Variants in RGMB observed in about 807,000 individuals in gnomAD.
The protein encoded by RGMB is repulsive guidance molecule BMP co-receptor b, also known as repulsive guidance molecule B.
RGMB carries 16 observed loss-of-function variants against 26.9 expected under a neutral mutation model. The ratio of observed to expected loss-of-function variants is 0.60; its 90% CI spans 0.40 to 0.90. The LOEUF (loss-of-function observed/expected upper bound fraction) is 0.90, where lower values mean the gene tolerates loss of function less well. RGMB is among the 40% of genes least tolerant of loss of function. The probability of loss-of-function intolerance (pLI) is 0.00; values close to 1 mark genes in which losing one functional copy is unlikely to be tolerated. For missense variants in RGMB, 512 were observed against 573.3 expected (o/e 0.89, Z 1.09); for synonymous variants, 225 against 229.3 (o/e 0.98, Z 0.17).
intron 1 of RGMB, among the ~76,000 whole-genome samples, chr5:98,775,028 C>G (rs1267005212): frequency 1.3e-5 from 2 of 152,086 alleles, no homozygotes; most frequent in Non-Finnish European, 2.9e-5. Flanking sequence ...TAGGAATTTG[C>G]CTAGACAAAG....
chr5:98,796,342 C>G lies in RGMB; in HGVS notation c.*2589C>G, dbSNP rs1039705839. ...CTTTGTTATGCTTGGAAGCTCCCCC[C>G]CCCCCAACAGTGTGTCGAGTCTTTG... On this transcript the variant is annotated 3_prime_UTR_variant, in exon 3 of 3. Transcript: ENST00000513185. 8.5e-5 allele frequency: 12 copies of G among 140,848 alleles called. 2 individuals carry two copies. The highest frequency in any genetic ancestry group is 3.9e-4 in the East Asian group (2 of 5,074). The allele number at this position is 140,848 out of a possible 1,614,324, so 8.7% of individuals were successfully genotyped here.
At chr5:98,782,543 G>C (rs1401367078) in intron 2 of RGMB, among the ~76,000 whole-genome samples, 1 of 152,086 alleles carries the variant, frequency 6.6e-6, no homozygotes, top group Non-Finnish European at 1.5e-5. Flanking sequence ...CCAGTTGTTG[G>C]GTAACCTAGT....
In RGMB at chr5:98,793,961, T is replaced by C; in HGVS notation, c.*208T>C. The C allele has an allele frequency of 4.1e-6, 2 of 485,814 alleles. No individual in the cohort carries two copies. Among genetic ancestry groups the C allele is most frequent in the Non-Finnish European group, 7.1e-6 (2 of 279,994 alleles). The allele number at this position is 485,814 out of a possible 1,614,324, so 30.1% of individuals were successfully genotyped here. On this transcript the variant is annotated 3_prime_UTR_variant, in exon 3 of 3. Transcript: ENST00000513185. ...TAGTGTTCTTTGATTGTATCAATTT[T>C]GTTTTGCAGTTCTGTGAAATGTTTT...
At chr5:98,778,525 AATAATGTGTT>A (rs1561438837) in intron 1 of RGMB, among the ~76,000 whole-genome samples, 1 of 152,198 alleles carries the variant, frequency 6.6e-6, no homozygotes, top group Admixed American at 6.5e-5. Context: ...ATGTAACACA[AATAATGTGTT>A]ACAGTTCATT....
intron 2 of RGMB, among the ~76,000 whole-genome samples, chr5:98,792,161 T>C (rs1326470107): frequency 6.6e-6 from 1 of 152,210 alleles, no homozygotes; most frequent in Non-Finnish European, 1.5e-5. Context: ...AATAGAAATC[T>C]TTCCTGGGGT....
Position 98,775,373 on chromosome 5 carries a change from G to A in RGMB, c.136+1167G>A, listed in dbSNP as rs1282621429. ...TAACACCGACAATTAGGGAAAAGAC[G>A]GCTTAATAAAAAAGTGTAATAGAAA... On this transcript the variant is annotated intron_variant, in intron 1 of 2. Transcript: ENST00000513185. Among the ~76,000 whole-genome samples, 3 of 152,084 alleles carry A rather than the reference G, an allele frequency of 2.0e-5. No individual in the cohort carries two copies. In the East Asian group the frequency reaches 5.8e-4, roughly 29 times the overall value.
chr5:98,786,355 A>G (rs570973515), intron 2 of RGMB, among the ~76,000 whole-genome samples: 43 of 152,334 alleles, frequency 2.8e-4, no homozygotes, highest in African/African-American at 9.4e-4. Context: ...ACACTCTTCC[A>G]TAGTTTAAAC....
chr5:98,776,695 G>C (rs1746414148), intron 1 of RGMB, among the ~76,000 whole-genome samples: 1 of 152,240 alleles, frequency 6.6e-6, no homozygotes, highest in Non-Finnish European at 1.5e-5. Flanking sequence ...CTCTGTAGCA[G>C]AAGGCTGTTG....
rs919772328 is a variant in RGMB at position 98,773,884 on chromosome 5, C to G, written c.-187C>G. ...TGCGCCCCGCTGCTGCCGCCGCGGA[C>G]TGGCTGCGCCGGCTGCGCGCTGCTT... On this transcript the variant is annotated 5_prime_UTR_variant, in exon 1 of 3. Transcript: ENST00000513185. The G allele has an allele frequency of 3.7e-5, 19 of 511,554 alleles. No homozygotes were observed. The East Asian group carries it at 6.4e-4, about 17-fold the overall frequency. The allele number at this position is 511,554 out of a possible 1,614,324, so 31.7% of individuals were successfully genotyped here. A position where few individuals can be genotyped will look rare whatever the true frequency, so the allele number is the denominator to read the frequency against.
intron 1 of RGMB, 43 bp from the exon 2 acceptor site, chr5:98,779,537 A>C (rs1309235372): frequency 6.7e-7 from 1 of 1,483,198 alleles, no homozygotes; most frequent in Non-Finnish European, 9.0e-7. Context: ...TCAGGAAGTT[A>C]TGAAGAGTTT....
chr5:98,770,584 T>C, upstream of RGMB: 1 of 1,272,236 alleles, frequency 7.9e-7, no homozygotes, highest in South Asian at 3.0e-5. Flanking sequence ...TTGGGACTCT[T>C]CTCTCACACC....
Position 98,779,606 on chromosome 5 carries a change from C to G in RGMB, c.163C>G (p.Arg55Gly), listed in dbSNP as rs768106028. The change falls in exon 2 of 3, where the codon CGA becomes GGA. Residue 55 changes from arginine (R) to glycine (G), a missense_variant. Arg to Gly is a moderately radical substitution (Grantham distance 125, BLOSUM62 -2). Coordinates refer to ENST00000513185, the MANE Select transcript of RGMB (RefSeq NM_001366508.1). ...AGDCQQPAQC[R>G]IQKCTTDFVS... ...TGACTGCCAACAGCCAGCCCAATGT[C>G]GAATCCAGAAATGCACCACGGACTT... 2 of 1,519,278 alleles carry G rather than the reference C, an allele frequency of 1.3e-6. No homozygotes were observed. The highest frequency in any genetic ancestry group is 1.8e-6 in the Non-Finnish European group (2 of 1,132,728). 94.1% of individuals were successfully genotyped at this position (1,519,278 alleles called of 1,614,324 possible). A position where few individuals can be genotyped will look rare whatever the true frequency, so the allele number is the denominator to read the frequency against.
At chr5:98,790,964 T>C (rs767410139) in intron 2 of RGMB, among the ~76,000 whole-genome samples, 8 of 152,202 alleles carry the variant, frequency 5.3e-5, no homozygotes, top group Non-Finnish European at 8.8e-5. Context: ...ATCAATCTTT[T>C]CATCTCCAAG....
chr5:98,774,658 C>A (rs1316834595), intron 1 of RGMB, among the ~76,000 whole-genome samples: 1 of 152,120 alleles, frequency 6.6e-6, no homozygotes, highest in Non-Finnish European at 1.5e-5. Context: ...GGCGGCGAGG[C>A]GAAGGAAGTA....
At position 98,795,870 on chromosome 5, in the gene RGMB, TAA is replaced by T. The variant is rs1178880518; in HGVS notation, c.*2119_*2120del. The T allele has an allele frequency of 1.3e-5, 2 of 152,216 alleles. No homozygotes were observed. The highest frequency in any genetic ancestry group is 4.8e-5 in the African/African-American group (2 of 41,452). The allele number at this position is 152,216 out of a possible 1,614,324, so 9.4% of individuals were successfully genotyped here. The stretch of plus-strand genomic sequence containing the variant: ...CTGGGTTTAGAGTGTGTATCATTAA[TAA>T]ATATACCTTTGCTCTTTTCAGGGAA... On this transcript the variant is annotated 3_prime_UTR_variant, in exon 3 of 3. Coordinates refer to ENST00000513185, the MANE Select transcript of RGMB (RefSeq NM_001366508.1).
chr5:98,791,880 C>G (rs1045721696), intron 2 of RGMB, among the ~76,000 whole-genome samples: 6 of 152,110 alleles, frequency 3.9e-5, no homozygotes, highest in African/African-American at 1.4e-4. Flanking sequence ...AAGGATTCTG[C>G]AGGAAAGAAC....
In RGMB at chr5:98,779,863, C is replaced by T. The variant is rs770857877; in HGVS notation, c.420C>T (p.Asn140=). ...CCGAAGTGACCCATGATCCTTGCAACTATCACAGCCACGCTGGAGCCAGGG... is the reference window on the plus strand; with the variant it reads ...CCGAAGTGACCCATGATCCTTGCAATTATCACAGCCACGCTGGAGCCAGGG... ...TNPEVTHDPC[N]YHSHAGAREH... Residue 140 remains asparagine (N), a synonymous_variant, in exon 2 of 3, where the codon AAC becomes AAT. Transcript: ENST00000513185. 2 of 1,614,072 alleles carry T rather than the reference C, an allele frequency of 1.2e-6. No homozygotes were observed. Among genetic ancestry groups the T allele is most frequent in the South Asian group, 2.2e-5 (2 of 91,086 alleles).
chr5:98,778,675 C>T (rs556575667), intron 1 of RGMB, among the ~76,000 whole-genome samples: 1 of 152,148 alleles, frequency 6.6e-6, no homozygotes, highest in Non-Finnish European at 1.5e-5. Context: ...AGTTTTTGTG[C>T]TTTAGGAGAT....
Position 98,782,320 on chromosome 5 carries a change from A to G in RGMB, c.645+2232A>G, listed in dbSNP as rs189158686. Among the ~76,000 whole-genome samples the G allele has an allele frequency of 3.5e-4, 54 of 152,344 alleles. No homozygotes were observed. The East Asian group carries it at 9.6e-3, about 27-fold the overall frequency. Reference sequence around the variant, plus strand: ...AATACGTTCCTTTTACCCAGCCAGGACCAAAATAAAACCTTTAAAAACCTT... The same window carrying G: ...AATACGTTCCTTTTACCCAGCCAGGGCCAAAATAAAACCTTTAAAAACCTT... On this transcript the variant is annotated intron_variant, in intron 2 of 2. Transcript: ENST00000513185.
Sources: gnomAD v4.1 joint callset for allele counts (sites outside exome capture counted in the v4.1 genomes callset) on GRCh38, gnomAD v4.1.1 for gene constraint, MANE v1.5 for transcripts, NCBI Gene and HGNC (gene_info 2026-07-23, HGNC 2026-07-21) for gene names.